The following PIK3C2G variants were observed in gnomAD, a reference collection of about 807,000 sequenced individuals.
The protein encoded by PIK3C2G is phosphatidylinositol 3-kinase C2 domain-containing subunit gamma.
In PIK3C2G, 168 loss-of-function variants were observed where a neutral mutation model predicts 181.1. The observed-to-expected ratio is 0.93, with a 90% confidence interval of 0.82 to 1.05. The LOEUF is 1.05. Among genes scored for constraint, PIK3C2G ranks in the 50% least tolerant of loss-of-function variants. The probability of loss-of-function intolerance (pLI) is 0.00; values close to 1 mark genes in which losing one functional copy is unlikely to be tolerated. For missense variants in PIK3C2G, 1,869 were observed against 1,732.8 expected (o/e 1.08, Z -1.40); for synonymous variants, 573 against 592.2 (o/e 0.97, Z 0.47).
rs12298204 is a variant in PIK3C2G, at chr12:18,355,448, A to C, written c.1626-7316A>C. 4.2e-3 allele frequency among the ~76,000 whole-genome samples: 636 copies of C among 152,342 alleles called. 1 individual carries two copies. Among genetic ancestry groups the C allele is most frequent in the African/African-American group, 0.014 (594 of 41,588 alleles). Reference sequence around the variant, plus strand: ...TTGCTTTCTACGAATAGGTTACTTTAATCATTGTATCTCTCCCCTAGTTCC... The same window carrying C: ...TTGCTTTCTACGAATAGGTTACTTTCATCATTGTATCTCTCCCCTAGTTCC... On this transcript the variant is annotated intron_variant, in intron 11 of 32. Transcript: ENST00000538779.
chr12:18,475,908 G>T (rs931805746), intron 18 of PIK3C2G, among the ~76,000 whole-genome samples: 1 of 151,988 alleles, frequency 6.6e-6, no homozygotes, highest in Non-Finnish European at 1.5e-5. Flanking sequence ...AGGAAGATGG[G>T]ATTTATTTAT....
chr12:18,312,261 A>G (rs913051312), intron 5 of PIK3C2G, among the ~76,000 whole-genome samples: 1 of 152,214 alleles, frequency 6.6e-6, no homozygotes, highest in African/African-American at 2.4e-5. Context: ...TTATCTGGCA[A>G]TTCTAGGAAG....
At chr12:18,696,131 A>C in the PIK3C2G span, 1 of 1,210,408 alleles carries the variant, frequency 8.3e-7, no homozygotes, top group Non-Finnish European at 1.2e-6. Context: ...CAAACAACTC[A>C]ATATCGTATA....
intron 5 of PIK3C2G, among the ~76,000 whole-genome samples, 197 bp from the exon 6 acceptor site, chr12:18,313,765 T>A (rs982968914): frequency 6.6e-6 from 1 of 151,778 alleles, no homozygotes. Flanking sequence ...TCCTGTCATA[T>A]TATTCATTTA....
chr12:18,584,043 T>G (rs1014128270), intron 29 of PIK3C2G, among the ~76,000 whole-genome samples: 15 of 152,028 alleles, frequency 9.9e-5, no homozygotes, highest in African/African-American at 2.4e-5. Flanking sequence ...TTGTTTTTTT[T>G]TTTGAGACAG....
chr12:18,723,322 G>A, the PIK3C2G span: 2 of 1,610,404 alleles, frequency 1.2e-6, no homozygotes, highest in African/African-American at 1.3e-5. Context: ...TTCTTCGATA[G>A]GCTCGTATTT....
intron 11 of PIK3C2G, among the ~76,000 whole-genome samples, chr12:18,360,468 T>C (rs919281408): frequency 1.3e-5 from 2 of 152,196 alleles, no homozygotes; most frequent in African/African-American, 2.4e-5. Context: ...GTGAGTTTTA[T>C]AGTTTTACAT....
At chr12:18,675,914 A>G in the PIK3C2G span, among the ~76,000 whole-genome samples, 1 of 152,104 alleles carries the variant, frequency 6.6e-6, no homozygotes, top group Non-Finnish European at 1.5e-5. Context: ...TTTTGGGTAC[A>G]ATGTTAACTA....
chr12:18,345,999 T>C (rs1939635848), intron 10 of PIK3C2G, among the ~76,000 whole-genome samples: 1 of 152,204 alleles, frequency 6.6e-6, no homozygotes, highest in Non-Finnish European at 1.5e-5. Flanking sequence ...TTCATTTTTC[T>C]TCTTTCATGA....
intron 5 of PIK3C2G, among the ~76,000 whole-genome samples, chr12:18,310,016 G>A (rs953469890): frequency 2.6e-5 from 4 of 151,712 alleles, no homozygotes; most frequent in Non-Finnish European, 5.9e-5. Context: ...TATGAGTGAA[G>A]AAAGAAAGTC....
chr12:18,607,257 A>G, intron 30 of PIK3C2G: 1 of 479,976 alleles, frequency 2.1e-6, no homozygotes, highest in Non-Finnish European at 4.1e-6. Flanking sequence ...TACTAGAAAG[A>G]AATAGTAGAG....
intron 29 of PIK3C2G, among the ~76,000 whole-genome samples, chr12:18,583,441 G>C (rs1490908130): frequency 6.6e-6 from 1 of 152,002 alleles, no homozygotes; most frequent in African/African-American, 2.4e-5. Flanking sequence ...CCCTCGTTAG[G>C]AATATCGAGA....
intron 18 of PIK3C2G, among the ~76,000 whole-genome samples, chr12:18,442,689 TC>T (rs1039201872): frequency 2.6e-5 from 4 of 152,108 alleles, no homozygotes; most frequent in Non-Finnish European, 5.9e-5. Flanking sequence ...GAAAAAGAGT[TC>T]CAAGTTATAA....
intron 2 of PIK3C2G, chr12:18,285,432 T>C (rs1949402361): frequency 6.6e-6 from 1 of 151,996 alleles, no homozygotes; most frequent in Admixed American, 6.6e-5. Flanking sequence ...ATAGAAATAG[T>C]AAATATGTTG....
At position 18,381,810 on chromosome 12, in the gene PIK3C2G, GT is replaced by G; in HGVS notation, c.1926del (p.Ser642ArgfsTer5). 6.2e-7 allele frequency: 1 copy of G among 1,613,802 alleles called. No individual in the cohort carries two copies. The highest frequency in any genetic ancestry group is 8.5e-7 in the Non-Finnish European group (1 of 1,179,708). On this transcript the variant is annotated frameshift_variant, in exon 14 of 33. Transcript: ENST00000538779. LOFTEE classifies it high-confidence loss of function. ...ATGCTGTTCAGCATGACATTACAGAGTGAGCCTCCCGTAGAAATGATAACTC... is the reference window on the plus strand; with the variant it reads ...ATGCTGTTCAGCATGACATTACAGAGGAGCCTCCCGTAGAAATGATAACTC... ...GSMLFSMTLQ[S>X]EPPVEMITPG...
At chr12:18,445,085 G>GA (rs35599118) in intron 18 of PIK3C2G, among the ~76,000 whole-genome samples, 2 of 151,644 alleles carry the variant, frequency 1.3e-5, no homozygotes, top group East Asian at 1.9e-4. Flanking sequence ...CAGCTGAGGG[G>GA]AAAAAAATGG....
At chr12:18,663,047 G>C in the PIK3C2G span, among the ~76,000 whole-genome samples, 1 of 151,956 alleles carries the variant, frequency 6.6e-6, no homozygotes, top group Non-Finnish European at 1.5e-5. Context: ...ACTCTCTCCA[G>C]TCAAAAGACA....
At chr12:18,461,830 T>C (rs1324787096) in intron 18 of PIK3C2G, among the ~76,000 whole-genome samples, 2 of 152,188 alleles carry the variant, frequency 1.3e-5, no homozygotes, top group African/African-American at 4.8e-5. Flanking sequence ...TTCTGTTGTT[T>C]ATAAGCTACC....
rs772772469 is a variant in PIK3C2G at position 18,497,612 on chromosome 12, T to G, written c.2887-7T>G. 1 of 1,609,960 alleles carries G rather than the reference T, an allele frequency of 6.2e-7. No homozygotes were observed. Among genetic ancestry groups the G allele is most frequent in the African/African-American group, 1.3e-5 (1 of 74,882 alleles). The stretch of plus-strand genomic sequence containing the variant: ...AAACCCAGGGTCTATAATTTTGTTT[T>G]TAACAGGCTGGAGATGATCTTCGTC... On this transcript the variant is annotated splice_polypyrimidine_tract_variant and splice_region_variant and intron_variant, in intron 21 of 32. Transcript: ENST00000538779.
Sources: gnomAD v4.1 joint callset for allele counts (sites outside exome capture counted in the v4.1 genomes callset) on GRCh38, gnomAD v4.1.1 for gene constraint, MANE v1.5 for transcripts, NCBI Gene and HGNC (gene_info 2026-07-23, HGNC 2026-07-21) for gene names.